ERBB4: variants seen among roughly 807,000 people sequenced by gnomAD.
ERBB4 encodes the protein erb-b2 receptor tyrosine kinase 4.
A neutral mutation model predicts 158.0 loss-of-function variants in ERBB4; 42 were observed. That is an observed-to-expected ratio of 0.27 (90% CI 0.21 to 0.34). The LOEUF (loss-of-function observed/expected upper bound fraction) is 0.34. ERBB4 is among the 10% of genes least tolerant of loss of function. ERBB4 has a pLI of 1.00. For missense variants in ERBB4, 1,333 were observed against 1,624.1 expected (o/e 0.82, Z 3.08); for synonymous variants, 583 against 558.7 (o/e 1.04, Z -0.61).
chr2:211,561,811 G>T, intron 20 of ERBB4, 92 bp downstream of exon 20: 2 of 1,115,388 alleles, frequency 1.8e-6, no homozygotes, highest in Non-Finnish European at 2.7e-6. Context: ...TATTTAAATG[G>T]GAAGACAACA....
rs559327480 is a variant in ERBB4, at chr2:212,340,130, G to A, written c.82+198319C>T. On this transcript the variant is annotated intron_variant, in intron 1 of 27. Coordinates refer to ENST00000342788, the MANE Select transcript of ERBB4 (RefSeq NM_005235.3). ...GACTCACTGAATCTTCAACCTCACA[G>A]GCTCAAGTGATCCTCCCACCTCAGC... Among the ~76,000 whole-genome samples the A allele has an allele frequency of 2.0e-5, 3 of 151,582 alleles. No homozygotes were observed. In the South Asian group the frequency reaches 6.2e-4, roughly 32 times the overall value.
chr2:211,440,984 C>G (rs2063961218), intron 20 of ERBB4, among the ~76,000 whole-genome samples: 1 of 152,188 alleles, frequency 6.6e-6, no homozygotes, highest in African/African-American at 2.4e-5. Context: ...AAAGTGGCAC[C>G]TACATACTTC....
At chr2:212,195,422 TAGAC>T (rs1341169240) in intron 1 of ERBB4, among the ~76,000 whole-genome samples, 2 of 152,042 alleles carry the variant, frequency 1.3e-5, no homozygotes, top group East Asian at 1.9e-4. Flanking sequence ...CATAACAAGT[TAGAC>T]AGTCACAGTA....
chr2:212,492,772 G>A (rs1410815534), intron 1 of ERBB4, among the ~76,000 whole-genome samples: 1 of 151,410 alleles, frequency 6.6e-6, no homozygotes, highest in African/African-American at 2.4e-5. Flanking sequence ...CTCAATTTGA[G>A]TCATCCATTT....
rs1293759597 is a variant in ERBB4 at position 211,663,209 on chromosome 2, T to C, written c.1871+2114A>G. 2.0e-5 allele frequency among the ~76,000 whole-genome samples: 3 copies of C among 152,184 alleles called. No individual in the cohort carries two copies. In the East Asian group the frequency reaches 5.8e-4, roughly 29 times the overall value. The stretch of plus-strand genomic sequence containing the variant: ...CACATCCTTCAGGAATTCCTGGGAC[T>C]AGAATACTCTGGGACTAGAACCACA... On this transcript the variant is annotated intron_variant, in intron 15 of 27. Coordinates refer to ENST00000342788, the MANE Select transcript of ERBB4 (RefSeq NM_005235.3).
At chr2:212,088,862 G>T (rs2078691913) in intron 2 of ERBB4, among the ~76,000 whole-genome samples, 1 of 152,120 alleles carries the variant, frequency 6.6e-6, no homozygotes. Flanking sequence ...GCATTCTCAT[G>T]TACCAGGTAC....
intron 25 of ERBB4, among the ~76,000 whole-genome samples, chr2:211,390,471 C>G (rs1419270247): frequency 2.0e-5 from 3 of 152,182 alleles, no homozygotes; most frequent in African/African-American, 7.2e-5. Context: ...TAATGTTTGA[C>G]TAGAATTACA....
chr2:211,692,778 G>A (rs771594894), intron 12 of ERBB4, among the ~76,000 whole-genome samples: 5 of 151,976 alleles, frequency 3.3e-5, no homozygotes, highest in Non-Finnish European at 4.4e-5. Flanking sequence ...CATCTGCTAC[G>A]TCCTTTTTAC....
At chr2:212,072,332 A>G (rs1465423260) in intron 2 of ERBB4, among the ~76,000 whole-genome samples, 2 of 151,986 alleles carry the variant, frequency 1.3e-5, no homozygotes, top group Admixed American at 6.6e-5. Context: ...TACTTTAGAT[A>G]TCATGGTAGC....
intron 20 of ERBB4, among the ~76,000 whole-genome samples, chr2:211,525,448 A>G (rs888369667): frequency 6.6e-6 from 1 of 152,148 alleles, no homozygotes; most frequent in African/African-American, 2.4e-5. Context: ...GGGCCAGAAG[A>G]AAACCTGCTG....
intron 2 of ERBB4, among the ~76,000 whole-genome samples, chr2:212,003,231 AGG>A (rs1343208450): frequency 8.3e-5 from 12 of 144,800 alleles, no homozygotes; most frequent in Non-Finnish European, 1.2e-4. Context: ...GAAGGAAGGA[AGG>A]AAGGAAGGAA....
intron 1 of ERBB4, among the ~76,000 whole-genome samples, chr2:212,170,205 G>A (rs1350432750): frequency 6.6e-6 from 1 of 152,156 alleles, no homozygotes; most frequent in Non-Finnish European, 1.5e-5. Context: ...GGCTGAGGTG[G>A]TCTCAGATGG....
intron 3 of ERBB4, among the ~76,000 whole-genome samples, chr2:211,930,750 C>T (rs1219155913): frequency 6.6e-6 from 1 of 151,958 alleles, no homozygotes; most frequent in Non-Finnish European, 1.5e-5. Context: ...TAGATCTTAG[C>T]CAATTAAAAT....
chr2:211,536,161 A>C (rs1165399689), intron 20 of ERBB4, among the ~76,000 whole-genome samples: 1 of 152,088 alleles, frequency 6.6e-6, no homozygotes, highest in Admixed American at 6.5e-5. Flanking sequence ...GATTAAAATG[A>C]CACCAAAAGA....
intron 1 of ERBB4, among the ~76,000 whole-genome samples, chr2:212,487,306 A>T (rs1418826689): frequency 6.6e-6 from 1 of 152,026 alleles, no homozygotes; most frequent in Non-Finnish European, 1.5e-5. Flanking sequence ...TAATTTTTCC[A>T]TTTCTATTTC....
chr2:212,084,845 A>G (rs964094211), intron 2 of ERBB4, among the ~76,000 whole-genome samples: 5 of 151,998 alleles, frequency 3.3e-5, no homozygotes, highest in African/African-American at 1.2e-4. Context: ...TTTGTAAACT[A>G]TCATCCCTAG....
In ERBB4 at chr2:212,297,787, A is replaced by G. The variant is rs569299446; in HGVS notation, c.83-172884T>C. ...TCAAATCTAATTTTAAGTTAATGTA[A>G]TTGTATATATCAAATGACCAATAGC... On this transcript the variant is annotated intron_variant, in intron 1 of 27. Coordinates refer to ENST00000342788, the MANE Select transcript of ERBB4 (RefSeq NM_005235.3). Among the ~76,000 whole-genome samples, 49 of 151,830 alleles carry G rather than the reference A, an allele frequency of 3.2e-4. 1 individual carries two copies. In the South Asian group the frequency reaches 6.0e-3, roughly 19 times the overall value.
intron 2 of ERBB4, among the ~76,000 whole-genome samples, chr2:212,030,462 C>T (rs2076877466): frequency 6.6e-6 from 1 of 152,104 alleles, no homozygotes. Context: ...AAATTATTTT[C>T]CTAAGAGACA....
Position 211,521,781 on chromosome 2 carries a change from G to A in ERBB4, c.2487+40122C>T, listed in dbSNP as rs549735536. 2.6e-4 allele frequency among the ~76,000 whole-genome samples: 39 copies of A among 152,220 alleles called. No homozygotes were observed. In the South Asian group the frequency reaches 3.9e-3, roughly 15 times the overall value. ...CATTTATGATTCTGAAAATCCTTGG[G>A]ACTGTAAGAATTATACTAAATTTAC... On this transcript the variant is annotated intron_variant, in intron 20 of 27. Transcript: ENST00000342788.
Sources: allele counts gnomAD v4.1 joint callset (sites outside exome capture counted in the v4.1 genomes callset), GRCh38; gene constraint gnomAD v4.1.1; transcripts MANE v1.5; gene names NCBI Gene and HGNC (gene_info 2026-07-23, HGNC 2026-07-21).